ZNRF2: variants seen among roughly 807,000 people sequenced by gnomAD.
The protein encoded by ZNRF2 is zinc and ring finger 2.
ZNRF2 carries 16 observed loss-of-function variants against 20.4 expected under a neutral mutation model. That is an observed-to-expected ratio of 0.79 (90% CI 0.53 to 1.19). The LOEUF is 1.19. Ranked by LOEUF, ZNRF2 falls within the 50% of genes most tolerant of loss-of-function variation. The probability of loss-of-function intolerance (pLI) is 0.00; values close to 1 mark genes in which losing one functional copy is unlikely to be tolerated. For synonymous variants in ZNRF2, 178 were observed against 144.9 expected, an observed-to-expected ratio of 1.23 and a Z score of -1.64; for missense variants, 363 against 332.4, an observed-to-expected ratio of 1.09 and a Z score of -0.72.
Position 30,285,528 on chromosome 7 carries a change from C to G in ZNRF2, c.171C>G (p.His57Gln), listed in dbSNP as rs1249803865. The G allele has an allele frequency of 8.0e-6, 8 of 1,002,478 alleles. No individual in the cohort carries two copies. Among genetic ancestry groups the G allele is most frequent in the Middle Eastern group, 4.9e-4 (1 of 2,060 alleles). The allele number at this position is 1,002,478 out of a possible 1,614,324, so 62.1% of individuals were successfully genotyped here. A position where few individuals can be genotyped will look rare whatever the true frequency, so the allele number is the denominator to read the frequency against. ...TCCCGGCTCAGGTGCCCAGCGCGCA[C>G]CAGCCCAGCGCCTCCGGCGGCGCCG... ...GRFPAQVPSA[H>Q]QPSASGGAAA... The change falls in exon 1 of 5, where the codon CAC (histidine) becomes CAG (glutamine). Residue 57 changes from histidine to glutamine, a missense_variant. Physicochemically the swap from His to Gln is conservative, Grantham distance 24 (BLOSUM62 0). Coordinates refer to ENST00000323037, the MANE Select transcript of ZNRF2 (RefSeq NM_147128.4).
intron 1 of ZNRF2, among the ~76,000 whole-genome samples, chr7:30,311,071 G>T (rs1460085972): frequency 6.6e-6 from 1 of 152,142 alleles, no homozygotes; most frequent in Non-Finnish European, 1.5e-5. Flanking sequence ...TGTGTGTAAG[G>T]TGATTCTTCT....
chr7:30,288,392 A>G (rs1798835454), intron 1 of ZNRF2, among the ~76,000 whole-genome samples: 1 of 152,224 alleles, frequency 6.6e-6, no homozygotes, highest in Non-Finnish European at 1.5e-5. Context: ...ATGTGGTACT[A>G]ATAAGATTCA....
At chr7:30,308,946 C>T (rs1179163787) in intron 1 of ZNRF2, among the ~76,000 whole-genome samples, 1 of 152,112 alleles carries the variant, frequency 6.6e-6, no homozygotes, top group Non-Finnish European at 1.5e-5. Flanking sequence ...TCAGCATCCA[C>T]ATTCAGTGTT....
intron 2 of ZNRF2, among the ~76,000 whole-genome samples, chr7:30,339,501 C>T (rs1010457748): frequency 5.3e-5 from 8 of 152,118 alleles, no homozygotes; most frequent in African/African-American, 1.9e-4. Context: ...GCCAGTTTTC[C>T]CAGCATCATT....
At chr7:30,342,946 A>G (rs1056121405) in intron 2 of ZNRF2, among the ~76,000 whole-genome samples, 6 of 151,946 alleles carry the variant, frequency 3.9e-5, no homozygotes, top group African/African-American at 1.5e-4. Flanking sequence ...TTGTGATCAG[A>G]GGATGTTGTC....
intron 2 of ZNRF2, among the ~76,000 whole-genome samples, chr7:30,354,415 T>C (rs995667227): frequency 3.3e-4 from 50 of 152,152 alleles, no homozygotes; most frequent in African/African-American, 1.1e-3. Context: ...TCTGAGTAAA[T>C]CATCTCCTGG....
In ZNRF2 at chr7:30,284,624, G is replaced by GCCGCGCC. The variant is rs1798733121; in HGVS notation, c.-733_-727dup. 6.5e-6 allele frequency: 1 copy of GCCGCGCC among 153,366 alleles called. No homozygotes were observed. The highest frequency in any genetic ancestry group is 1.5e-5 in the Non-Finnish European group (1 of 68,592). 9.5% of individuals were successfully genotyped at this position (153,366 alleles called of 1,614,324 possible). ...ACACACGGGCCGGGCGCACCCTGCA[G>GCCGCGCC]CCGCGCCGCTCCGCGGCCTTCCGGC... On this transcript the variant is annotated 5_prime_UTR_variant, in exon 1 of 5. Coordinates refer to ENST00000323037, the MANE Select transcript of ZNRF2 (RefSeq NM_147128.4).
At position 30,285,386 on chromosome 7, in the gene ZNRF2, C is replaced by T. The variant is rs1227590084; in HGVS notation, c.29C>T (p.Ala10Val). MGAKQSGPA[A>V]ANGRTRAYSG... is the part of the protein sequence containing the mutation. ...GGCGCCAAACAGAGCGGCCCGGCCG[C>T]CGCTAACGGCCGCACGCGCGCGTAC... Residue 10 changes from alanine to valine, a missense_variant, in exon 1 of 5, where the codon GCC becomes GTC. Physicochemically the swap from Ala to Val is moderately conservative, Grantham distance 64. Around this residue, in one of 2 missense-constraint regions of ZNRF2, gnomAD observed 302 missense variants for 231.5 expected, o/e 1.30. Coordinates refer to ENST00000323037, the MANE Select transcript of ZNRF2 (RefSeq NM_147128.4). 4.8e-6 allele frequency: 6 copies of T among 1,242,640 alleles called. No individual in the cohort carries two copies. Among genetic ancestry groups the T allele is most frequent in the Non-Finnish European group, 6.1e-6 (6 of 976,306 alleles). 77.0% of individuals were successfully genotyped at this position (1,242,640 alleles called of 1,614,324 possible). A position where few individuals can be genotyped will look rare whatever the true frequency, so the allele number is the denominator to read the frequency against.
At chr7:30,298,017 A>G (rs1004290688) in intron 1 of ZNRF2, among the ~76,000 whole-genome samples, 1 of 152,182 alleles carries the variant, frequency 6.6e-6, no homozygotes, top group African/African-American at 2.4e-5. Flanking sequence ...GGTGCATGCC[A>G]CCATAGGGAC....
chr7:30,295,042 AGAGAGAGAGTGTGTGT>A (rs1281128122), intron 1 of ZNRF2, among the ~76,000 whole-genome samples: 8 of 114,990 alleles, frequency 7.0e-5, no homozygotes, highest in African/African-American at 2.1e-4. Flanking sequence ...AGAGAGAGAG[AGAGAGAGAGTGTGTGT>A]GTGTGTGTGT....
chr7:30,306,904 C>T (rs950429989), intron 1 of ZNRF2, among the ~76,000 whole-genome samples: 4 of 152,116 alleles, frequency 2.6e-5, no homozygotes, highest in African/African-American at 9.7e-5. Context: ...CCTAATCTCT[C>T]ATTATTTTGT....
At chr7:30,323,954 A>G (rs1199941442) in intron 2 of ZNRF2, among the ~76,000 whole-genome samples, 2 of 152,158 alleles carry the variant, frequency 1.3e-5, no homozygotes, top group Non-Finnish European at 2.9e-5. Flanking sequence ...TACTTGGGTT[A>G]TATCTATCCA....
At chr7:30,326,313 A>G (rs745353251) in intron 2 of ZNRF2, among the ~76,000 whole-genome samples, 4 of 151,904 alleles carry the variant, frequency 2.6e-5, no homozygotes, top group South Asian at 2.1e-4. Flanking sequence ...GTAGGCTCCA[A>G]TGTGTATTGT....
chr7:30,328,110 G>A (rs1583583788), intron 2 of ZNRF2, among the ~76,000 whole-genome samples: 1 of 152,160 alleles, frequency 6.6e-6, no homozygotes, highest in Non-Finnish European at 1.5e-5. Context: ...TAGGCAAGGG[G>A]AATTCTAATG....
intron 2 of ZNRF2, among the ~76,000 whole-genome samples, chr7:30,342,714 TTTC>T (rs1472909328): frequency 2.6e-5 from 4 of 152,158 alleles, no homozygotes; most frequent in Non-Finnish European, 5.9e-5. Flanking sequence ...TTAATTTTTC[TTTC>T]TTGTTTTTCA....
intron 2 of ZNRF2, among the ~76,000 whole-genome samples, chr7:30,355,276 G>A (rs1800019059): frequency 6.6e-6 from 1 of 151,988 alleles, no homozygotes; most frequent in Non-Finnish European, 1.5e-5. Flanking sequence ...CACATTTGGG[G>A]TGATTTCTTG....
At chr7:30,345,995 T>C (rs1004360243) in intron 2 of ZNRF2, among the ~76,000 whole-genome samples, 4 of 152,118 alleles carry the variant, frequency 2.6e-5, no homozygotes, top group South Asian at 4.1e-4. Flanking sequence ...ACTATAATTT[T>C]TGTTTGTTAG....
chr7:30,360,716 T>TA (rs1338675938), intron 3 of ZNRF2, among the ~76,000 whole-genome samples: 1 of 151,988 alleles, frequency 6.6e-6, no homozygotes, highest in African/African-American at 2.4e-5. Flanking sequence ...AGCGAAAATG[T>TA]AAAAGCAAGA....
chr7:30,330,949 G>A (rs2127949043), intron 2 of ZNRF2, among the ~76,000 whole-genome samples: 1 of 152,174 alleles, frequency 6.6e-6, no homozygotes, highest in African/African-American at 2.4e-5. Context: ...ACTTAAATGT[G>A]GATCCCTAAT....
Sources: allele counts gnomAD v4.1 joint callset (sites outside exome capture counted in the v4.1 genomes callset), GRCh38; gene constraint gnomAD v4.1.1; regional missense constraint gnomAD v4.1.1; transcripts MANE v1.5; gene names NCBI Gene and HGNC (gene_info 2026-07-23, HGNC 2026-07-21).